HYDIN: variants seen among roughly 807,000 people sequenced by gnomAD.
HYDIN encodes the protein HYDIN axonemal central pair apparatus protein.
A neutral mutation model predicts 403.9 loss-of-function variants in HYDIN; 132 were observed. The observed-to-expected ratio is 0.33, with a 90% CI of 0.28 to 0.38. The LOEUF (loss-of-function observed/expected upper bound fraction) is 0.38, where lower values mean the gene tolerates loss of function less well. HYDIN is among the 10% of genes least tolerant of loss of function. The pLI is 1.00. For synonymous variants in HYDIN, 1,202 were observed against 1,891.7 expected (o/e 0.64, Z 9.46); for missense variants, 2,827 against 5,009.5 (o/e 0.56, Z 13.15).
intron 45 of HYDIN, among the ~76,000 whole-genome samples, chr16:70,927,835 T>C (rs1274212288): frequency 2.0e-5 from 3 of 151,472 alleles, no homozygotes; most frequent in Non-Finnish European, 4.4e-5. Context: ...TGAAGAAAAA[T>C]GGCTGGCAAC....
chr16:71,107,155 T>C (rs9944302), intron 10 of HYDIN, among the ~76,000 whole-genome samples: 7 of 80,488 alleles, frequency 8.7e-5, no homozygotes, highest in African/African-American at 3.3e-4. Flanking sequence ...GGGCCTGTTG[T>C]GGGGTGGGGG....
chr16:71,208,827 C>G (rs1002798033), intron 1 of HYDIN, among the ~76,000 whole-genome samples: 1 of 152,150 alleles, frequency 6.6e-6, no homozygotes, highest in African/African-American at 2.4e-5. Flanking sequence ...TACATACATC[C>G]TCCCAAGACT....
At chr16:70,950,917 G>A (rs1339570522) in intron 41 of HYDIN, among the ~76,000 whole-genome samples, 2 of 152,112 alleles carry the variant, frequency 1.3e-5, no homozygotes, top group Non-Finnish European at 1.5e-5. Flanking sequence ...ACTCCTGAAT[G>A]GGAGCCGCCA....
At chr16:70,825,588 G>GT (rs2036542828) in intron 83 of HYDIN, among the ~76,000 whole-genome samples, 1 of 138,190 alleles carries the variant, frequency 7.2e-6, no homozygotes, top group African/African-American at 3.3e-5. Flanking sequence ...CATTTAAAGT[G>GT]TTCTATTTAG....
intron 39 of HYDIN, among the ~76,000 whole-genome samples, chr16:70,957,320 T>C (rs2078272598): frequency 7.2e-6 from 1 of 139,846 alleles, no homozygotes; most frequent in African/African-American, 2.9e-5. Context: ...TGTCAGAATT[T>C]CCTTCCTATT....
intron 60 of HYDIN, among the ~76,000 whole-genome samples, chr16:70,881,691 C>T (rs909404977): frequency 5.9e-5 from 9 of 152,190 alleles, no homozygotes; most frequent in Non-Finnish European, 5.9e-5. Flanking sequence ...TGTAGTCTCC[C>T]CAACCATACC....
In HYDIN at chr16:70,889,615, A is replaced by G. The variant is rs2041354555; in HGVS notation, c.9746T>C (p.Ile3249Thr). The G allele has an allele frequency of 1.6e-6, 1 of 617,854 alleles. No individual in the cohort carries two copies. Among genetic ancestry groups the G allele is most frequent in the Non-Finnish European group, 2.8e-6 (1 of 359,242 alleles). 38.3% of individuals were successfully genotyped at this position (617,854 alleles called of 1,614,324 possible). The stretch of plus-strand genomic sequence containing the variant: ...GCCTGTGGTGGTTACTTCTTTCTGA[A>G]TCGTGTCAGAGAACTTGGCTGCTCT... ...SSRAAKFSDT[I>T]QKEVTTTGQA... Residue 3249 changes from isoleucine (I) to threonine (T), a missense_variant, in exon 58 of 86, where the codon ATT (isoleucine) becomes ACT (threonine). Transcript: ENST00000393567.
chr16:71,125,917 C>T (rs1597833927), intron 9 of HYDIN, among the ~76,000 whole-genome samples: 1 of 151,052 alleles, frequency 6.6e-6, no homozygotes, highest in Non-Finnish European at 1.5e-5. Context: ...TGGGCATTTC[C>T]ACTATCTGAC....
chr16:71,055,242 C>T (rs1454088410), intron 18 of HYDIN, among the ~76,000 whole-genome samples: 2 of 152,296 alleles, frequency 1.3e-5, no homozygotes, highest in Admixed American at 6.5e-5. Flanking sequence ...ACCAGGCCTG[C>T]CACTTACAAG....
intron 45 of HYDIN, among the ~76,000 whole-genome samples, chr16:70,929,949 GA>G (rs1447472637): frequency 6.6e-6 from 1 of 152,138 alleles, no homozygotes; most frequent in African/African-American, 2.4e-5. Flanking sequence ...TCATGCGTGG[GA>G]ATGAACAACC....
intron 1 of HYDIN, among the ~76,000 whole-genome samples, chr16:71,206,265 C>T (rs235985): frequency 0.17 from 26,206 of 152,164 alleles, 2,939 homozygotes; most frequent in Middle Eastern, 0.38. Flanking sequence ...CTGAGGGAGC[C>T]CTGTAGACCA....
chr16:70,836,991 C>T lies in HYDIN; in HGVS notation c.13242+699G>A, dbSNP rs2037471197. On this transcript the variant is annotated intron_variant, in intron 77 of 85. Transcript: ENST00000393567. Reference sequence around the variant, plus strand: ...GATGGGAAGGCTGCCAGGAATACACCCCTCCCCTGGTTGCCGAAATATGCT... The same window carrying T: ...GATGGGAAGGCTGCCAGGAATACACTCCTCCCCTGGTTGCCGAAATATGCT... Among the ~76,000 whole-genome samples the T allele has an allele frequency of 3.9e-5, 6 of 152,266 alleles. No individual in the cohort carries two copies. The South Asian group carries it at 1.3e-3, about 32-fold the overall frequency.
intron 1 of HYDIN, among the ~76,000 whole-genome samples, chr16:71,198,425 T>G (rs1160872953): frequency 6.6e-6 from 1 of 152,170 alleles, no homozygotes; most frequent in Non-Finnish European, 1.5e-5. Flanking sequence ...GCTCTCTGTG[T>G]GGTCTTGGAC....
chr16:71,098,203 C>CTT (rs374205374), intron 10 of HYDIN, among the ~76,000 whole-genome samples: 1 of 130,384 alleles, frequency 7.7e-6, no homozygotes, highest in Non-Finnish European at 1.5e-5. Flanking sequence ...AACTTTCTTT[C>CTT]TTTTTTTTTT....
chr16:71,016,887 G>A (rs1356421366), intron 23 of HYDIN, among the ~76,000 whole-genome samples: 1 of 152,030 alleles, frequency 6.6e-6, no homozygotes, highest in Non-Finnish European at 1.5e-5. Context: ...ACTGCATGAC[G>A]TGGTTTGGCT....
intron 60 of HYDIN, among the ~76,000 whole-genome samples, chr16:70,881,575 T>C (rs2040810364): frequency 7.1e-6 from 1 of 140,124 alleles, no homozygotes; most frequent in Non-Finnish European, 1.5e-5. Context: ...GCCACTGCAC[T>C]CCAGCCTGGG....
chr16:70,995,778 T>A (rs1461985873), intron 23 of HYDIN, among the ~76,000 whole-genome samples: 1 of 152,190 alleles, frequency 6.6e-6, no homozygotes, highest in Non-Finnish European at 1.5e-5. Flanking sequence ...TGATTTCTAA[T>A]TCATTGATTC....
In HYDIN at chr16:71,088,491, G is replaced by A. The variant is rs574301926; in HGVS notation, c.1480C>T (p.Leu494Phe). Residue 494 changes from leucine to phenylalanine, a missense_variant, in exon 12 of 86, where the codon CTC becomes TTC. Transcript: ENST00000393567. ...GAAGTTGGAGGGGTCATGTTGAAGA[G>A]AGCATCGATGCTGCCTTTGTTGTAC... ...ILYNKGSIDA[L>F]FNMTPPTSAL... 1.4e-6 allele frequency: 1 copy of A among 692,312 alleles called. No homozygotes were observed. Among genetic ancestry groups the A allele is most frequent in the Non-Finnish European group, 2.5e-6 (1 of 401,406 alleles). 42.9% of individuals were successfully genotyped at this position (692,312 alleles called of 1,614,324 possible).
intron 45 of HYDIN, among the ~76,000 whole-genome samples, chr16:70,931,207 T>C (rs984162637): frequency 9.0e-6 from 1 of 111,698 alleles, no homozygotes; most frequent in Non-Finnish European, 2.0e-5. Context: ...CTCTCTTTCT[T>C]CTGTTTTTTT....
Sources: gnomAD v4.1 joint callset for allele counts (sites outside exome capture counted in the v4.1 genomes callset) on GRCh38, gnomAD v4.1.1 for gene constraint, MANE v1.5 for transcripts, NCBI Gene and HGNC (gene_info 2026-07-23, HGNC 2026-07-21) for gene names.